The following USP9Y variants were observed in gnomAD, a reference collection of about 807,000 sequenced individuals.
USP9Y encodes the protein ubiquitin carboxyl-terminal hydrolase 9Y.
In USP9Y, 41 loss-of-function variants were observed where a neutral mutation model predicts 53.1. The ratio of observed to expected loss-of-function variants is 0.77; its 90% CI spans 0.60 to 1.00. The LOEUF (loss-of-function observed/expected upper bound fraction) is 1.00. Among genes scored for constraint, USP9Y ranks in the 50% least tolerant of loss-of-function variants. The pLI is 0.00. For missense variants in USP9Y, 567 were observed against 535.8 expected (o/e 1.06, Z -0.58); for synonymous variants, 220 against 173.7 (o/e 1.27, Z -2.09).
intron 1 of USP9Y, among the ~76,000 whole-genome samples, chrY:12,707,741 C>CT (rs2053420628): frequency 1.6e-4 from 4 of 24,905 alleles, no homozygotes; most frequent in Non-Finnish European, 3.8e-4. Context: ...TAATTTTTTT[C>CT]TTTTTTTTTT....
At chrY:12,736,878 T>A in intron 10 of USP9Y, among the ~76,000 whole-genome samples, 1 of 32,571 alleles carries the variant, frequency 3.1e-5, no homozygotes. Context: ...AACGTAGTGA[T>A]CACTTCCTAA....
rs2053582786 is a variant in USP9Y, at chrY:12,860,201, C to CA, written c.*786dup. On this transcript the variant is annotated 3_prime_UTR_variant, in exon 46 of 46. Transcript: ENST00000338981. Reference sequence around the variant, plus strand: ...CAGACAAGCAGTTTTTCATTGCACACATATTCTTCACATTTAATGTTTGAT... The same window carrying CA: ...CAGACAAGCAGTTTTTCATTGCACACAATATTCTTCACATTTAATGTTTGAT... 3.0e-5 allele frequency: 1 copy of CA among 33,389 alleles called. No homozygotes were observed. The highest frequency in any genetic ancestry group is 1.2e-4 in the African/African-American group (1 of 8,600). 8.3% of individuals were successfully genotyped at this position (33,389 alleles called of 400,897 possible).
rs20320 is a variant in USP9Y, at chrY:12,786,229, G to A, written c.3178G>A (p.Ala1060Thr). The A allele has an allele frequency of 5.8e-3, 2,307 of 396,613 alleles. No individual in the cohort carries two copies. Among genetic ancestry groups the A allele is most frequent in the Middle Eastern group, 0.051 (86 of 1,701 alleles). ...PDRTAVEKLR[A>T]VCLDHAKLGE... The stretch of plus-strand genomic sequence containing the variant: ...TAGAACAGCTGTAGAAAAATTACGA[G>A]CTGTTTGTTTGGACCATGCAAAACT... The change falls in exon 23 of 46, where the codon GCT becomes ACT. Residue 1060 changes from alanine (A) to threonine (T), a missense_variant. Transcript: ENST00000338981.
Position 12,738,290 on chromosome Y carries a change from A to G in USP9Y, c.1298A>G (p.Asp433Gly), listed in dbSNP as rs767226117. The G allele has an allele frequency of 2.5e-6, 1 of 396,494 alleles. No homozygotes were observed. Residue 433 changes from aspartate to glycine, a missense_variant, in exon 11 of 46, where the codon GAT (aspartate) becomes GGT (glycine). By Grantham distance (94) the Asp-to-Gly change is moderately conservative. Transcript: ENST00000338981. ...AAGGCTCTTACATTACAGGACCTTGATAATATCTGGGCAGCACAGGTAAGA... is the reference window on the plus strand; with the variant it reads ...AAGGCTCTTACATTACAGGACCTTGGTAATATCTGGGCAGCACAGGTAAGA... The part of the protein sequence containing the change: ...KEKALTLQDL[D>G]NIWAAQAGKH...
chrY:12,782,845 T>TTCTA (rs2053499263), intron 22 of USP9Y, among the ~76,000 whole-genome samples: 1 of 33,909 alleles, frequency 2.9e-5, no homozygotes, highest in Non-Finnish European at 7.4e-5. Flanking sequence ...GACACCATCG[T>TTCTA]CAATTATCTT....
At chrY:12,715,899 A>G (rs2053430052) in intron 3 of USP9Y, among the ~76,000 whole-genome samples, 1 of 33,696 alleles carries the variant, frequency 3.0e-5, no homozygotes, top group South Asian at 6.6e-4. Context: ...TATTTTTAAT[A>G]TTAATTATTT....
chrY:12,854,489 G>A (rs2053573968), intron 42 of USP9Y, among the ~76,000 whole-genome samples: 1 of 33,808 alleles, frequency 3.0e-5, no homozygotes, highest in East Asian at 7.7e-4. Context: ...TGCAACCTCC[G>A]TCTCCCGGAT....
At chrY:12,778,988 T>A in intron 21 of USP9Y, among the ~76,000 whole-genome samples, 1 of 33,212 alleles carries the variant, frequency 3.0e-5, no homozygotes, top group Non-Finnish European at 7.5e-5. Context: ...AAGGTACTAC[T>A]ATATTTTCAG....
chrY:12,724,419 A>C, intron 5 of USP9Y, among the ~76,000 whole-genome samples: 1 of 33,076 alleles, frequency 3.0e-5, no homozygotes, highest in South Asian at 6.7e-4. Flanking sequence ...CTGTCTGTAC[A>C]AAAACTACAA....
At chrY:12,739,500 T>C in intron 11 of USP9Y, 25 bp from the exon 12 acceptor site, 1 of 351,871 alleles carries the variant, frequency 2.8e-6, no homozygotes, top group Non-Finnish European at 4.1e-6. Flanking sequence ...TGCTTTTATT[T>C]ATTCTACTTT....
At chrY:12,765,565 C>T (rs950284377) in intron 15 of USP9Y, among the ~76,000 whole-genome samples, 1 of 32,509 alleles carries the variant, frequency 3.1e-5, no homozygotes, top group Admixed American at 2.8e-4. Flanking sequence ...TCAGTGGTGG[C>T]ATTAGATTCT....
At chrY:12,726,069 A>G (rs370689692) in intron 6 of USP9Y, among the ~76,000 whole-genome samples, 12 of 34,054 alleles carry the variant, frequency 3.5e-4, no homozygotes, top group African/African-American at 1.4e-3. Flanking sequence ...AAAAGTTATG[A>G]ATCAAATATA....
At chrY:12,845,917 C>G in intron 39 of USP9Y, among the ~76,000 whole-genome samples, 1 of 32,850 alleles carries the variant, frequency 3.0e-5, no homozygotes, top group African/African-American at 1.2e-4. Flanking sequence ...GTCTCGAACT[C>G]CAGACCTCAG....
chrY:12,820,791 A>G (rs2053540955), intron 33 of USP9Y, among the ~76,000 whole-genome samples: 1 of 33,692 alleles, frequency 3.0e-5, no homozygotes, highest in Non-Finnish European at 7.3e-5. Context: ...ACATAATTAT[A>G]TACATTATAG....
intron 27 of USP9Y, among the ~76,000 whole-genome samples, chrY:12,799,102 A>T: frequency 3.2e-5 from 1 of 31,428 alleles, no homozygotes; most frequent in Admixed American, 2.8e-4. Flanking sequence ...TGACCTAGTG[A>T]TCCTCCCGCC....
chrY:12,859,723 C>T lies in USP9Y; in HGVS notation c.*307C>T. The stretch of plus-strand genomic sequence containing the variant: ...GAAACTTTTTTTGATGAAAACAAGT[C>T]AGATCTACACAGTCACACAATTATT... On this transcript the variant is annotated 3_prime_UTR_variant, in exon 46 of 46. Transcript: ENST00000338981. 2.7e-5 allele frequency: 1 copy of T among 36,894 alleles called. No individual in the cohort carries two copies. Among genetic ancestry groups the T allele is most frequent in the Non-Finnish European group, 6.1e-5 (1 of 16,379 alleles). The allele number at this position is 36,894 out of a possible 400,897, so 9.2% of individuals were successfully genotyped here.
At chrY:12,852,628 C>G in intron 42 of USP9Y, among the ~76,000 whole-genome samples, 2 of 33,172 alleles carry the variant, frequency 6.0e-5, no homozygotes, top group African/African-American at 1.2e-4. Flanking sequence ...CTTTTCTGCT[C>G]TGGTTACTCC....
chrY:12,842,039 G>A, intron 37 of USP9Y, among the ~76,000 whole-genome samples: 1 of 32,532 alleles, frequency 3.1e-5, no homozygotes, highest in Non-Finnish European at 7.5e-5. Context: ...CATATATTTC[G>A]TATTTCATTC....
At chrY:12,775,653 A>G in intron 18 of USP9Y, 87 bp downstream of exon 18, 1 of 204,280 alleles carries the variant, frequency 4.9e-6, no homozygotes. Flanking sequence ...TAACTAGAAA[A>G]TAATCTTTAA....
Sources: gnomAD v4.1 joint callset for allele counts (sites outside exome capture counted in the v4.1 genomes callset) on GRCh38, gnomAD v4.1.1 for gene constraint, MANE v1.5 for transcripts, NCBI Gene and HGNC (gene_info 2026-07-23, HGNC 2026-07-21) for gene names.